The following TGFB1I1 variants were observed in gnomAD, a reference collection of about 807,000 sequenced individuals.
The protein encoded by TGFB1I1 is transforming growth factor beta-1-induced transcript 1 protein.
A neutral mutation model predicts 52.0 loss-of-function variants in TGFB1I1; 33 were observed. That is an observed-to-expected ratio of 0.63 (90% CI 0.48 to 0.85). The LOEUF is 0.85. TGFB1I1 is among the 40% of genes least tolerant of loss of function. The pLI is 0.00. For missense variants in TGFB1I1, 577 were observed against 614.9 expected (o/e 0.94, Z 0.65); for synonymous variants, 236 against 253.3 (o/e 0.93, Z 0.65).
At chr16:31,472,448 A>T in intron 1 of TGFB1I1, 31 of 588,404 alleles carry the variant, frequency 5.3e-5, no homozygotes, top group East Asian at 1.7e-4. Flanking sequence ...ATGGAACGGG[A>T]GGTGCGGCGC....
chr16:31,474,778 A>C lies in TGFB1I1; in HGVS notation c.714+21A>C. 2 of 1,587,726 alleles carry C rather than the reference A, an allele frequency of 1.3e-6. No individual in the cohort carries two copies. The highest frequency in any genetic ancestry group is 1.7e-6 in the Non-Finnish European group (2 of 1,167,012). ...GGCAAGTAAGTGGAGCCTTGTGAGA[A>C]GGGAGGCAGAGACCTGTCACAGACC... On this transcript the variant is annotated intron_variant, in intron 7 of 10. Coordinates refer to ENST00000394863, the MANE Select transcript of TGFB1I1 (RefSeq NM_001042454.3). The surrounding 1 kb of genome is among the most constrained non-coding windows in gnomAD (Gnocchi z 4.2).
Position 31,476,175 on chromosome 16 carries a change from C to T in TGFB1I1, c.878C>T (p.Pro293Leu). 6.2e-7 allele frequency: 1 copy of T among 1,612,592 alleles called. No individual in the cohort carries two copies. The highest frequency in any genetic ancestry group is 8.5e-7 in the Non-Finnish European group (1 of 1,179,848). ...FSPRCGFCNQ[P>L]IRHKMVTALG... The stretch of plus-strand genomic sequence containing the variant: ...CCAAGATGTGGCTTCTGCAACCAGC[C>T]CATCCGACACGTGAGCCCCGCCCGG... Residue 293 changes from proline to leucine, a missense_variant, in exon 8 of 11, where the codon CCC becomes CTC. By Grantham distance (98) the Pro-to-Leu change is moderately conservative. This residue lies in a region of TGFB1I1 where 456 missense variants were observed against 461.6 expected (regional missense o/e 0.99). Transcript: ENST00000394863. This position sits in a 1 kb window ranked among gnomAD's most constrained non-coding sequence, Gnocchi z 7.6.
intron 7 of TGFB1I1, chr16:31,475,740 A>C (rs1002209755): frequency 2.6e-6 from 1 of 389,408 alleles, no homozygotes; most frequent in Non-Finnish European, 4.6e-6. Context: ...TTTTGATTTT[A>C]AAAAAATTAA....
chr16:31,476,402 C>G lies in TGFB1I1; in HGVS notation c.889-79C>G. ...CCCCTCCCCCCACGCATGCCTTAGT[C>G]CAGTCACCCGGGTTCCGCGCGGGAG... On this transcript the variant is annotated intron_variant, in intron 8 of 10. Transcript: ENST00000394863. This position sits in a 1 kb window ranked among gnomAD's most constrained non-coding sequence, Gnocchi z 7.6. 2.1e-6 allele frequency: 3 copies of G among 1,438,526 alleles called. No individual in the cohort carries two copies. The highest frequency in any genetic ancestry group is 2.9e-6 in the Non-Finnish European group (3 of 1,044,522). The allele number at this position is 1,438,526 out of a possible 1,614,324, so 89.1% of individuals were successfully genotyped here.
At position 31,474,262 on chromosome 16, in the gene TGFB1I1, G is replaced by T; in HGVS notation, c.413+23G>T. The T allele has an allele frequency of 6.2e-7, 1 of 1,614,018 alleles. No individual in the cohort carries two copies. The highest frequency in any genetic ancestry group is 8.5e-7 in the Non-Finnish European group (1 of 1,179,944). Reference sequence around the variant, plus strand: ...CCTGTGAGTTTGGCGTCGTTGTCAGGGCTGAGAGATGAGTCCTGGATATCT... The same window carrying T: ...CCTGTGAGTTTGGCGTCGTTGTCAGTGCTGAGAGATGAGTCCTGGATATCT... On this transcript the variant is annotated intron_variant, in intron 5 of 10. Transcript: ENST00000394863. The surrounding 1 kb of genome is among the most constrained non-coding windows in gnomAD (Gnocchi z 4.2).
Position 31,474,021 on chromosome 16 carries a change from G to C in TGFB1I1, c.325+44G>C, listed in dbSNP as rs1454506082. The C allele has an allele frequency of 6.2e-7, 1 of 1,608,278 alleles. No individual in the cohort carries two copies. Among genetic ancestry groups the C allele is most frequent in the South Asian group, 1.1e-5 (1 of 90,912 alleles). On this transcript the variant is annotated intron_variant, in intron 4 of 10. Transcript: ENST00000394863. This position sits in a 1 kb window ranked among gnomAD's most constrained non-coding sequence, Gnocchi z 4.2. ...GAGGCCTTGATGCGATAGGGGCAGG[G>C]GAGGGAAGGGTGGGGCAGAGACTAA...
At position 31,474,261 on chromosome 16, in the gene TGFB1I1, G is replaced by A. The variant is rs1252245409; in HGVS notation, c.413+22G>A. The A allele has an allele frequency of 4.3e-6, 7 of 1,614,046 alleles. No individual in the cohort carries two copies. In the South Asian group the frequency reaches 5.5e-5, roughly 13 times the overall value. On this transcript the variant is annotated intron_variant, in intron 5 of 10. Transcript: ENST00000394863. The surrounding 1 kb of genome is among the most constrained non-coding windows in gnomAD (Gnocchi z 4.2). Reference sequence around the variant, plus strand: ...GCCTGTGAGTTTGGCGTCGTTGTCAGGGCTGAGAGATGAGTCCTGGATATC... The same window carrying A: ...GCCTGTGAGTTTGGCGTCGTTGTCAAGGCTGAGAGATGAGTCCTGGATATC...
chr16:31,477,721 T>C lies in TGFB1I1; in HGVS notation c.*145T>C, dbSNP rs2082436525. The C allele has an allele frequency of 1.3e-5, 15 of 1,135,872 alleles. No homozygotes were observed. The highest frequency in any genetic ancestry group is 1.7e-5 in the Non-Finnish European group (14 of 830,204). 70.4% of individuals were successfully genotyped at this position (1,135,872 alleles called of 1,614,324 possible). A position where few individuals can be genotyped will look rare whatever the true frequency, so the allele number is the denominator to read the frequency against. On this transcript the variant is annotated 3_prime_UTR_variant, in exon 11 of 11. Transcript: ENST00000394863. The surrounding 1 kb of genome is among the most constrained non-coding windows in gnomAD (Gnocchi z 4.7). The stretch of plus-strand genomic sequence containing the variant: ...CTAAGGTACTATGAGTCCTCAGGGG[T>C]CAAGTTCAGAAACGGCCCAGCCAGA...
Position 31,477,313 on chromosome 16 carries a change from T to A in TGFB1I1, c.1123T>A (p.Cys375Ser), listed in dbSNP as rs1567384374. The part of the protein sequence containing the change: ...WHPDCFVCRE[C>S]FAPFSGGSFF... The stretch of plus-strand genomic sequence containing the variant: ...TTTCGCGGCTTCCCTTCCCCAGGAA[T>A]GCTTCGCGCCCTTCTCGGGAGGCAG... Residue 375 changes from cysteine (C) to serine (S), a missense_variant, in exon 11 of 11, where the codon TGC (cysteine) becomes AGC (serine). Transcript: ENST00000394863. The surrounding 1 kb of genome is among the most constrained non-coding windows in gnomAD (Gnocchi z 4.7). 3.7e-6 allele frequency: 6 copies of A among 1,603,296 alleles called. No homozygotes were observed. Among genetic ancestry groups the A allele is most frequent in the Non-Finnish European group, 5.1e-6 (6 of 1,173,524 alleles).
Position 31,477,920 on chromosome 16 carries a change from G to A in TGFB1I1, c.*344G>A. ...GCTCCCTGCACCCTCACTGTTCTGTGCACTTTTTCTACCTACATAAACACA... is the reference window on the plus strand; with the variant it reads ...GCTCCCTGCACCCTCACTGTTCTGTACACTTTTTCTACCTACATAAACACA... On this transcript the variant is annotated 3_prime_UTR_variant, in exon 11 of 11. Transcript: ENST00000394863. The surrounding 1 kb of genome is among the most constrained non-coding windows in gnomAD (Gnocchi z 4.7). 1 of 336,962 alleles carries A rather than the reference G, an allele frequency of 3.0e-6. No homozygotes were observed. The allele number at this position is 336,962 out of a possible 1,614,324, so 20.9% of individuals were successfully genotyped here.
rs2082408250 is a variant in TGFB1I1 at position 31,474,209 on chromosome 16, A to G, written c.383A>G (p.Asp128Gly). The G allele has an allele frequency of 4.3e-6, 7 of 1,614,052 alleles. No individual in the cohort carries two copies. The highest frequency in any genetic ancestry group is 5.9e-6 in the Non-Finnish European group (7 of 1,180,004). Residue 128 changes from aspartate (D) to glycine (G), a missense_variant, in exon 5 of 11, where the codon GAC becomes GGC. Physicochemically the swap from Asp to Gly is moderately conservative, Grantham distance 94 (BLOSUM62 -1). This residue lies in a region of TGFB1I1 where 456 missense variants were observed against 461.6 expected (regional missense o/e 0.99). Coordinates refer to ENST00000394863, the MANE Select transcript of TGFB1I1 (RefSeq NM_001042454.3). This position sits in a 1 kb window ranked among gnomAD's most constrained non-coding sequence, Gnocchi z 4.2. ...SKVASGEQKE[D>G]QSEDKKRPSL... ...GTGGCTTCAGGAGAGCAGAAGGAGGACCAGTCTGAAGATAAGAAAAGACCC... is the reference window on the plus strand; with the variant it reads ...GTGGCTTCAGGAGAGCAGAAGGAGGGCCAGTCTGAAGATAAGAAAAGACCC...
chr16:31,476,491 C>A lies in TGFB1I1; in HGVS notation c.899C>A (p.Thr300Asn). Reference sequence around the variant, plus strand: ...TCTCCCTCCCTGCAGAAGATGGTGACCGCCTTGGGCACTCACTGGCACCCA... The same window carrying A: ...TCTCCCTCCCTGCAGAAGATGGTGAACGCCTTGGGCACTCACTGGCACCCA... ...CNQPIRHKMV[T>N]ALGTHWHPEH... The change falls in exon 9 of 11, where the codon ACC becomes AAC. Residue 300 changes from threonine to asparagine, a missense_variant. Physicochemically the swap from Thr to Asn is moderately conservative, Grantham distance 65. Around this residue, in one of 3 missense-constraint regions of TGFB1I1, gnomAD observed 456 missense variants for 461.6 expected, o/e 0.99. Coordinates refer to ENST00000394863, the MANE Select transcript of TGFB1I1 (RefSeq NM_001042454.3). The surrounding 1 kb of genome is among the most constrained non-coding windows in gnomAD (Gnocchi z 7.6). 1 of 1,612,768 alleles carries A rather than the reference C, an allele frequency of 6.2e-7. No individual in the cohort carries two copies. The highest frequency in any genetic ancestry group is 8.5e-7 in the Non-Finnish European group (1 of 1,179,726).
Position 31,474,695 on chromosome 16 carries a change from C to CG in TGFB1I1, c.656dup (p.Val220CysfsTer14). The CG allele has an allele frequency of 6.2e-7, 1 of 1,612,958 alleles. No homozygotes were observed. Among genetic ancestry groups the CG allele is most frequent in the Non-Finnish European group, 8.5e-7 (1 of 1,179,732 alleles). On this transcript the variant is annotated frameshift_variant, in exon 7 of 11. Coordinates refer to ENST00000394863, the MANE Select transcript of TGFB1I1 (RefSeq NM_001042454.3). LOFTEE classifies it high-confidence loss of function. The surrounding 1 kb of genome is among the most constrained non-coding windows in gnomAD (Gnocchi z 4.2). ...GCTGCTGCAGTCCGACCTCAGCCGC[C>CG]GGGGTGTTCCCACCCAGGCCAAAGG...
chr16:31,473,149 G>GTCCC, intron 1 of TGFB1I1: 1 of 1,160,736 alleles, frequency 8.6e-7, no homozygotes, highest in Non-Finnish European at 1.1e-6. Flanking sequence ...CAATTTGGAG[G>GTCCC]GGAGCCAAAT....
At position 31,477,006 on chromosome 16, in the gene TGFB1I1, G is replaced by A. The variant is rs777086464; in HGVS notation, c.1115G>A (p.Cys372Tyr). 40 of 1,580,422 alleles carry A rather than the reference G, an allele frequency of 2.5e-5. No individual in the cohort carries two copies. The highest frequency in any genetic ancestry group is 3.3e-5 in the Non-Finnish European group (39 of 1,170,404). The change falls in exon 10 of 11, where the codon TGC (cysteine) becomes TAC (tyrosine). Residue 372 changes from cysteine (C) to tyrosine (Y), a missense_variant. By Grantham distance (194) the Cys-to-Tyr change is radical. This residue lies in a region of TGFB1I1 where 456 missense variants were observed against 461.6 expected (regional missense o/e 0.99). Coordinates refer to ENST00000394863, the MANE Select transcript of TGFB1I1 (RefSeq NM_001042454.3). This position sits in a 1 kb window ranked among gnomAD's most constrained non-coding sequence, Gnocchi z 4.7. ...SALWHPDCFV[C>Y]RECFAPFSGG... ...CTCTGGCACCCGGACTGTTTCGTCTGCAGGGTGCGAGCTGCGGGGCGGGGC... is the reference window on the plus strand; with the variant it reads ...CTCTGGCACCCGGACTGTTTCGTCTACAGGGTGCGAGCTGCGGGGCGGGGC...
intron 1 of TGFB1I1, chr16:31,473,030 G>C (rs1415213511): frequency 2.0e-5 from 4 of 203,660 alleles, no homozygotes; most frequent in African/African-American, 4.7e-5. Flanking sequence ...CAGGGGCCTG[G>C]GAGTGGCCAG....
rs757344770 is a variant in TGFB1I1, at chr16:31,473,474, C to T, written c.47C>T (p.Ser16Leu). 1.2e-5 allele frequency: 19 copies of T among 1,613,888 alleles called. No homozygotes were observed. The highest frequency in any genetic ancestry group is 1.6e-5 in the Non-Finnish European group (19 of 1,179,984). The part of the protein sequence containing the change: ...ALLSDLETTT[S>L]HMPRSGAPKE... Reference sequence around the variant, plus strand: ...CTCTCTGACCTGGAGACTACCACCTCGCACATGCCAAGGTCAGGGGCTCCC... The same window carrying T: ...CTCTCTGACCTGGAGACTACCACCTTGCACATGCCAAGGTCAGGGGCTCCC... The change falls in exon 2 of 11, where the codon TCG (serine) becomes TTG (leucine). Residue 16 changes from serine (S) to leucine (L), a missense_variant. This residue lies in a region of TGFB1I1 where 113 missense variants were observed against 123.9 expected (regional missense o/e 0.91). Coordinates refer to ENST00000394863, the MANE Select transcript of TGFB1I1 (RefSeq NM_001042454.3).
rs780855287 is a variant in TGFB1I1 at position 31,473,599 on chromosome 16, G to C, written c.129+43G>C. 4 of 1,611,980 alleles carry C rather than the reference G, an allele frequency of 2.5e-6. No individual in the cohort carries two copies. In the African/African-American group the frequency reaches 5.3e-5, roughly 22 times the overall value. ...GGACTGGGGCAGCCACTAGGGCCAG[G>C]CTCGGCCTGGTCTATGGGGATCTCA... is the stretch of plus-strand genomic sequence containing the variant. On this transcript the variant is annotated intron_variant, in intron 2 of 10. Coordinates refer to ENST00000394863, the MANE Select transcript of TGFB1I1 (RefSeq NM_001042454.3).
In TGFB1I1 at chr16:31,476,128, G is replaced by C; in HGVS notation, c.831G>C (p.Glu277Asp). Residue 277 changes from glutamate to aspartate, a missense_variant, in exon 8 of 11, where the codon GAG becomes GAC. Physicochemically the swap from Glu to Asp is conservative, Grantham distance 45 (BLOSUM62 2). Transcript: ENST00000394863. This position sits in a 1 kb window ranked among gnomAD's most constrained non-coding sequence, Gnocchi z 7.6. ...AGGATGGAGCCCCCTTCTGCCCCGA[G>C]TGCTACTTTGAGCGCTTCTCGCCAA... Reference protein sequence around the residue: ...FEKDGAPFCPECYFERFSPRC... With the variant: ...FEKDGAPFCPDCYFERFSPRC... 6.2e-7 allele frequency: 1 copy of C among 1,613,822 alleles called. No homozygotes were observed. The highest frequency in any genetic ancestry group is 8.5e-7 in the Non-Finnish European group (1 of 1,179,982).
Sources: gnomAD v4.1 joint callset for allele counts on GRCh38, gnomAD v4.1.1 for gene constraint, gnomAD v4.1.1 regional missense constraint, Gnocchi (gnomAD v3.1) non-coding constraint, MANE v1.5 for transcripts, NCBI Gene and HGNC (gene_info 2026-07-23, HGNC 2026-07-21) for gene names.